Variants in SLC35D4 observed in about 807,000 individuals in gnomAD.
The protein encoded by SLC35D4 is UDP-N-acetylglucosamine transporter SLC35D4.
At chr18:23,395,364 T>TCAA in the SLC35D4 span, among the ~76,000 whole-genome samples, 1 of 152,184 alleles carries the variant, frequency 6.6e-6, no homozygotes, top group Non-Finnish European at 1.5e-5. Flanking sequence ...TGTTTCCTCA[T>TCAA]CAACATCCCC....
At chr18:23,244,139 C>T in the SLC35D4 span, among the ~76,000 whole-genome samples, 1 of 152,218 alleles carries the variant, frequency 6.6e-6, no homozygotes, top group African/African-American at 2.4e-5. Context: ...TTTAGAAGTG[C>T]ATCCAAATAC....
At chr18:23,285,954 C>T in the SLC35D4 span, among the ~76,000 whole-genome samples, 10 of 152,038 alleles carry the variant, frequency 6.6e-5, no homozygotes, top group African/African-American at 2.2e-4. Context: ...ATATAAAAAT[C>T]CAGCCCCGTT....
the SLC35D4 span, among the ~76,000 whole-genome samples, chr18:23,372,125 C>T: frequency 1.3e-4 from 20 of 149,076 alleles, no homozygotes; most frequent in Non-Finnish European, 2.7e-4. Flanking sequence ...TTAGTAGAGA[C>T]GGGGTTTCAC....
chr18:23,246,691 A>T, the SLC35D4 span, among the ~76,000 whole-genome samples: 1 of 150,742 alleles, frequency 6.6e-6, no homozygotes, highest in South Asian at 2.1e-4. Context: ...GCACCCGGCC[A>T]GTTTTTTCGT....
At chr18:23,355,235 C>T in the SLC35D4 span, among the ~76,000 whole-genome samples, 1 of 152,164 alleles carries the variant, frequency 6.6e-6, no homozygotes, top group Non-Finnish European at 1.5e-5. Context: ...TATCATGTTG[C>T]ATTATGAGAA....
chr18:23,312,195 C>G, the SLC35D4 span, among the ~76,000 whole-genome samples: 1 of 152,180 alleles, frequency 6.6e-6, no homozygotes. Flanking sequence ...TGCCCTGTCC[C>G]CCACCATACC....
At chr18:23,404,612 G>A in the SLC35D4 span, among the ~76,000 whole-genome samples, 3 of 150,256 alleles carry the variant, frequency 2.0e-5, no homozygotes, top group South Asian at 2.1e-4. Context: ...GGCTTGCGGC[G>A]GGCCGAGTAG....
chr18:23,271,581 C>G, the SLC35D4 span, among the ~76,000 whole-genome samples: 64 of 152,162 alleles, frequency 4.2e-4, no homozygotes, highest in African/African-American at 1.5e-3. Context: ...ATAGACAGGC[C>G]TGTTGGTGTT....
the SLC35D4 span, among the ~76,000 whole-genome samples, chr18:23,432,643 T>G: frequency 6.9e-6 from 1 of 144,446 alleles, no homozygotes; most frequent in Admixed American, 7.1e-5. Context: ...ATTGAGCCAC[T>G]GCACTCCAGC....
chr18:23,264,422 G>A, the SLC35D4 span, among the ~76,000 whole-genome samples: 107 of 140,030 alleles, frequency 7.6e-4, 1 homozygote, highest in African/African-American at 2.7e-3. Flanking sequence ...GAGTGCAGTG[G>A]TGCGATCTCG....
chr18:23,268,405 G>C, the SLC35D4 span, among the ~76,000 whole-genome samples: 33 of 152,170 alleles, frequency 2.2e-4, no homozygotes, highest in African/African-American at 7.5e-4. Flanking sequence ...TGCGGTCTTA[G>C]TAGGGCTAGC....
the SLC35D4 span, among the ~76,000 whole-genome samples, chr18:23,436,327 C>T: frequency 6.6e-6 from 1 of 151,948 alleles, no homozygotes; most frequent in Non-Finnish European, 1.5e-5. Context: ...CACGCCCGGG[C>T]CACAACAACA....
the SLC35D4 span, among the ~76,000 whole-genome samples, chr18:23,430,184 T>A: frequency 6.6e-6 from 1 of 152,202 alleles, no homozygotes; most frequent in Non-Finnish European, 1.5e-5. Flanking sequence ...AATTTTTGTA[T>A]ATGGTGAGAC....
chr18:23,355,683 G>C, the SLC35D4 span, among the ~76,000 whole-genome samples: 3 of 149,514 alleles, frequency 2.0e-5, no homozygotes, highest in African/African-American at 7.4e-5. Flanking sequence ...AAGAATCACT[G>C]CTTCACAAGG....
At chr18:23,341,308 T>C in the SLC35D4 span, among the ~76,000 whole-genome samples, 112,132 of 152,122 alleles carry the variant, frequency 0.74, 41,855 homozygotes, top group Middle Eastern at 0.86. Context: ...GCACTTTTTC[T>C]CCACGCTAAG....
chr18:23,302,956 T>C, the SLC35D4 span, among the ~76,000 whole-genome samples: 8 of 152,380 alleles, frequency 5.3e-5, no homozygotes, highest in East Asian at 1.5e-3. Context: ...AAAATGGTGA[T>C]GACTAACTTA....
chr18:23,263,091 G>C, the SLC35D4 span, among the ~76,000 whole-genome samples: 1 of 152,106 alleles, frequency 6.6e-6, no homozygotes, highest in Non-Finnish European at 1.5e-5. Context: ...GGTACCTGGG[G>C]CTCTGAAACA....
the SLC35D4 span, among the ~76,000 whole-genome samples, chr18:23,364,614 T>C: frequency 6.6e-6 from 1 of 152,218 alleles, no homozygotes; most frequent in Non-Finnish European, 1.5e-5. Flanking sequence ...ATTTTAAAAA[T>C]TGACTCCTGG....
the SLC35D4 span, among the ~76,000 whole-genome samples, chr18:23,377,126 G>A: frequency 6.6e-6 from 1 of 152,172 alleles, no homozygotes; most frequent in South Asian, 2.1e-4. Flanking sequence ...GAATTCAAAT[G>A]CTGCAGGCAC....
Sources: gnomAD v4.1 joint callset for allele counts (sites outside exome capture counted in the v4.1 genomes callset) on GRCh38, gnomAD v4.1.1 for gene constraint, MANE v1.5 for transcripts, NCBI Gene and HGNC (gene_info 2026-07-23, HGNC 2026-07-21) for gene names.